GNG7: variants seen among roughly 807,000 people sequenced by gnomAD.
GNG7 encodes the protein guanine nucleotide-binding protein G(I)/G(S)/G(O) subunit gamma-7.
GNG7 carries 1 observed loss-of-function variant against 4.0 expected under a neutral mutation model. The ratio of observed to expected loss-of-function variants is 0.25; its 90% confidence interval spans 0.09 to 1.18. GNG7 has a LOEUF of 1.18. Among genes scored for constraint, GNG7 ranks in the 50% most tolerant of loss-of-function variants. The pLI is 0.50. For synonymous variants in GNG7, 34 were observed against 36.9 expected, an observed-to-expected ratio of 0.92 and a Z score of 0.29; for missense variants, 86 against 91.9, an observed-to-expected ratio of 0.94 and a Z score of 0.26.
At chr19:2,621,812 C>A (rs1002723901) in intron 2 of GNG7, among the ~76,000 whole-genome samples, 7 of 152,114 alleles carry the variant, frequency 4.6e-5, no homozygotes, top group Non-Finnish European at 7.4e-5. Context: ...TTTGCCAGAG[C>A]CCCCAGAAGC....
intron 2 of GNG7, among the ~76,000 whole-genome samples, chr19:2,620,122 G>A (rs930154543): frequency 2.0e-5 from 3 of 151,184 alleles, no homozygotes; most frequent in Non-Finnish European, 2.9e-5. Flanking sequence ...GCTTGAACCC[G>A]GGAGGTAGAG....
intron 2 of GNG7, among the ~76,000 whole-genome samples, chr19:2,629,138 G>A (rs773148430): frequency 6.8e-4 from 104 of 152,214 alleles, no homozygotes; most frequent in Non-Finnish European, 1.3e-3. Flanking sequence ...AAGGCACAGA[G>A]AAAACAGCAA....
intron 1 of GNG7, among the ~76,000 whole-genome samples, chr19:2,696,205 G>GGAGAGAGGGAAGAGAGGA (rs1913242996): frequency 6.9e-6 from 1 of 145,606 alleles, no homozygotes; most frequent in African/African-American, 2.5e-5. Flanking sequence ...GGGAGAGAGG[G>GGAGAGAGGGAAGAGAGGA]GAGAGAGGGA....
chr19:2,595,359 C>T (rs1980986030), intron 2 of GNG7: 1 of 151,836 alleles, frequency 6.6e-6, no homozygotes, highest in South Asian at 2.1e-4. Context: ...AACTCCTGAC[C>T]TCAGTTGATT....
chr19:2,602,117 A>G (rs982364803), intron 2 of GNG7, among the ~76,000 whole-genome samples: 1 of 151,720 alleles, frequency 6.6e-6, no homozygotes, highest in African/African-American at 2.4e-5. Context: ...TGGGCAGGTC[A>G]CCTGAGGTCA....
chr19:2,640,527 A>G (rs1056635984), intron 2 of GNG7, among the ~76,000 whole-genome samples: 5 of 152,186 alleles, frequency 3.3e-5, no homozygotes, highest in African/African-American at 1.2e-4. Flanking sequence ...AATTCACGAA[A>G]ATCCCAGCAC....
chr19:2,624,357 G>A (rs1223471983), intron 2 of GNG7, among the ~76,000 whole-genome samples: 5 of 151,238 alleles, frequency 3.3e-5, no homozygotes, highest in Non-Finnish European at 7.4e-5. Flanking sequence ...GTGAAACCCC[G>A]TCTCCAATAA....
chr19:2,525,945 G>A (rs1444361749), intron 3 of GNG7, among the ~76,000 whole-genome samples: 1 of 140,286 alleles, frequency 7.1e-6, no homozygotes, highest in East Asian at 2.2e-4. Context: ...GAGTGGCTGG[G>A]ATTACAGGTG....
intron 1 of GNG7, among the ~76,000 whole-genome samples, chr19:2,695,599 C>A (rs1913224992): frequency 6.6e-6 from 1 of 151,710 alleles, no homozygotes; most frequent in African/African-American, 2.4e-5. Context: ...TGGATGGAGC[C>A]AAGTGGGGGT....
intron 2 of GNG7, among the ~76,000 whole-genome samples, chr19:2,587,284 GA>G (rs535348804): frequency 1.6e-3 from 245 of 152,248 alleles, no homozygotes; most frequent in African/African-American, 5.6e-3. Flanking sequence ...CCCAGGTGCA[GA>G]CCCAGGGGTC....
intron 3 of GNG7, among the ~76,000 whole-genome samples, chr19:2,525,971 A>ATCTTTTTTTTTTTTTTTTTTTT (rs1555690823): frequency 1.3e-5 from 1 of 75,684 alleles, no homozygotes; most frequent in Non-Finnish European, 2.3e-5. Flanking sequence ...CTCCACGCCA[A>ATCTTTTTTTTTTTTTTTTTTTT]TTTTTTTTTT....
intron 1 of GNG7, among the ~76,000 whole-genome samples, chr19:2,669,986 G>C (rs12459371): frequency 0.22 from 33,169 of 149,356 alleles, 4,721 homozygotes; most frequent in East Asian, 0.53. Context: ...CTCCAGACTG[G>C]GTGACAGAGC....
chr19:2,699,248 A>C (rs562103348), intron 1 of GNG7, among the ~76,000 whole-genome samples: 1 of 148,900 alleles, frequency 6.7e-6, no homozygotes, highest in South Asian at 2.1e-4. Flanking sequence ...TCCTGGGTTC[A>C]GGTGATTCTC....
At chr19:2,569,178 G>T (rs548529175) in intron 2 of GNG7, among the ~76,000 whole-genome samples, 6 of 152,282 alleles carry the variant, frequency 3.9e-5, no homozygotes, top group East Asian at 3.9e-4. Context: ...CCAGCATGAG[G>T]CACCTGCTGG....
At chr19:2,573,455 C>T (rs1288931639) in intron 2 of GNG7, among the ~76,000 whole-genome samples, 1 of 152,170 alleles carries the variant, frequency 6.6e-6, no homozygotes, top group East Asian at 1.9e-4. Flanking sequence ...CTTGTCTGTA[C>T]CCTGTCCCCT....
chr19:2,692,759 G>A (rs1446344593), intron 1 of GNG7, among the ~76,000 whole-genome samples: 1 of 151,988 alleles, frequency 6.6e-6, no homozygotes, highest in Non-Finnish European at 1.5e-5. Context: ...GCTGCGGTGG[G>A]CGAATCACTT....
chr19:2,561,328 C>T (rs1050801809), intron 2 of GNG7, among the ~76,000 whole-genome samples: 1 of 152,148 alleles, frequency 6.6e-6, no homozygotes, highest in East Asian at 1.9e-4. Flanking sequence ...GGACGCTGTT[C>T]AGCACCCTGC....
chr19:2,655,086 A>G (rs1470525978), intron 1 of GNG7, among the ~76,000 whole-genome samples: 1 of 150,570 alleles, frequency 6.6e-6, no homozygotes, highest in East Asian at 2.0e-4. Flanking sequence ...GTTACTCAGG[A>G]GGCTGAGATG....
At chr19:2,539,577 T>A (rs531206080) in intron 3 of GNG7, among the ~76,000 whole-genome samples, 9 of 152,006 alleles carry the variant, frequency 5.9e-5, no homozygotes, top group Non-Finnish European at 1.0e-4. Flanking sequence ...AGCGCTGGGA[T>A]TACAGGCGGG....
Sources: allele counts gnomAD v4.1 joint callset (sites outside exome capture counted in the v4.1 genomes callset), GRCh38; gene constraint gnomAD v4.1.1; transcripts MANE v1.5; gene names NCBI Gene and HGNC (gene_info 2026-07-23, HGNC 2026-07-21).